Variants in FGF14 observed in about 807,000 individuals in gnomAD.
FGF14 encodes the protein fibroblast growth factor homologous factor 4.
In FGF14, 5 loss-of-function variants were observed where a neutral mutation model predicts 25.5. The ratio of observed to expected loss-of-function variants is 0.20; its 90% CI spans 0.10 to 0.41. FGF14 has a LOEUF of 0.41. Among genes scored for constraint, FGF14 ranks in the 10% least tolerant of loss-of-function variants. The probability of loss-of-function intolerance (pLI) is 1.00; values close to 1 mark genes in which losing one functional copy is unlikely to be tolerated. For missense variants in FGF14, 222 were observed against 320.1 expected (o/e 0.69, Z 2.34); for synonymous variants, 138 against 118.3 (o/e 1.17, Z -1.08).
rs575670133 is a variant in FGF14, at chr13:102,350,539, A to G, written c.208+50932T>C. Among the ~76,000 whole-genome samples the G allele has an allele frequency of 3.3e-5, 5 of 152,164 alleles. No individual in the cohort carries two copies. In the East Asian group the frequency reaches 9.7e-4, roughly 29 times the overall value. On this transcript the variant is annotated intron_variant, in intron 1 of 4. Coordinates refer to the FGF14 transcript ENST00000376131. ...GTCTTGTTTTCCCATCTCTCTTCCT[A>G]TCTTGTGTAGTTAACTTGCACACCC... is the stretch of plus-strand genomic sequence containing the variant.
intron 1 of FGF14, among the ~76,000 whole-genome samples, chr13:101,958,777 A>G (rs2036662415): frequency 1.3e-5 from 2 of 152,232 alleles, no homozygotes; most frequent in African/African-American, 2.4e-5. Flanking sequence ...AAAGTGAGAC[A>G]AAGCAAGGGT....
intron 1 of FGF14, among the ~76,000 whole-genome samples, chr13:102,253,525 C>A (rs2052296361): frequency 6.6e-6 from 1 of 151,914 alleles, no homozygotes; most frequent in African/African-American, 2.4e-5. Context: ...TTGTTTTTTT[C>A]CTGTAAATTT....
intron 1 of FGF14, among the ~76,000 whole-genome samples, chr13:102,042,045 A>T (rs775659959): frequency 1.3e-5 from 2 of 152,182 alleles, no homozygotes; most frequent in Non-Finnish European, 2.9e-5. Context: ...AACATACTCA[A>T]AGAAGAGCAA....
intron 1 of FGF14, among the ~76,000 whole-genome samples, chr13:102,393,426 A>G (rs543560213): frequency 5.1e-4 from 77 of 152,320 alleles, no homozygotes; most frequent in Middle Eastern, 3.4e-3. Flanking sequence ...GACCTAAAAG[A>G]AATAATTCAT....
chr13:101,954,722 GCT>G (rs967830886), intron 1 of FGF14, among the ~76,000 whole-genome samples: 23 of 151,908 alleles, frequency 1.5e-4, no homozygotes, highest in African/African-American at 5.6e-4. Context: ...GTGTGTGTGT[GCT>G]TGTGCACGAG....
At chr13:101,884,017 C>T (rs1977256) in intron 1 of FGF14, among the ~76,000 whole-genome samples, 47,168 of 137,976 alleles carry the variant, frequency 0.34, 8,197 homozygotes, top group African/African-American at 0.44. Flanking sequence ...GAGCCCAGAT[C>T]GCACCACTGC....
chr13:101,750,011 G>A (rs965558279), intron 3 of FGF14, among the ~76,000 whole-genome samples: 1 of 151,966 alleles, frequency 6.6e-6, no homozygotes, highest in Non-Finnish European at 1.5e-5. Context: ...TGAAGAGACT[G>A]GAGTTCTCCC....
At chr13:101,911,832 A>G (rs2032969286) in intron 1 of FGF14, among the ~76,000 whole-genome samples, 1 of 152,140 alleles carries the variant, frequency 6.6e-6, no homozygotes. Context: ...TCCAATGGGT[A>G]TGGCCTTAGA....
At chr13:102,154,445 A>C (rs1269303894) in intron 1 of FGF14, among the ~76,000 whole-genome samples, 4 of 152,020 alleles carry the variant, frequency 2.6e-5, no homozygotes, top group Non-Finnish European at 5.9e-5. Context: ...GAAATAAAAT[A>C]CTTTACAGAC....
At position 101,916,546 on chromosome 13, in the gene FGF14, T is replaced by G; in HGVS notation, c.100A>C (p.Ser34Arg). Residue 34 changes from serine (S) to arginine (R), a missense_variant, in exon 1 of 5, where the codon AGC becomes CGC. Physicochemically the swap from Ser to Arg is moderately radical, Grantham distance 110. This residue lies in a region of FGF14 where 80 missense variants were observed against 72.2 expected (regional missense o/e 1.11). Transcript: ENST00000376143. ...PSASRRRSSP[S>R]KNRGLCNGNL... Reference sequence around the variant, plus strand: ...CCGTTGCAGAGCCCGCGGTTCTTGCTGGGGCTGCTCCGCCTCCTGCTGGCA... The same window carrying G: ...CCGTTGCAGAGCCCGCGGTTCTTGCGGGGGCTGCTCCGCCTCCTGCTGGCA... The G allele has an allele frequency of 6.2e-7, 1 of 1,613,516 alleles. No homozygotes were observed. The highest frequency in any genetic ancestry group is 8.5e-7 in the Non-Finnish European group (1 of 1,179,902).
At chr13:102,183,966 C>T (rs1405744441) in intron 1 of FGF14, among the ~76,000 whole-genome samples, 2 of 152,158 alleles carry the variant, frequency 1.3e-5, no homozygotes, top group Non-Finnish European at 2.9e-5. Flanking sequence ...GTGCTGGGTA[C>T]ATTTTAACCA....
chr13:101,792,881 T>C (rs1594267858), intron 3 of FGF14, among the ~76,000 whole-genome samples: 1 of 152,016 alleles, frequency 6.6e-6, no homozygotes, highest in Non-Finnish European at 1.5e-5. Flanking sequence ...GCTTTTTTTG[T>C]ATACTGACAA....
rs1303508853 is a variant in FGF14 at position 101,721,024 on chromosome 13, T to G, written c.*1807A>C. On this transcript the variant is annotated 3_prime_UTR_variant, in exon 5 of 5. Coordinates refer to ENST00000376143, the MANE Select transcript of FGF14 (RefSeq NM_004115.4). ...TTTATGAAAGCAGTGACAAAATAAT[T>G]TCCCAATAAATACAGTGCAGATGGG... The G allele has an allele frequency of 7.9e-5, 12 of 152,206 alleles. No homozygotes were observed. The East Asian group carries it at 2.3e-3, about 29-fold the overall frequency. The allele number at this position is 152,206 out of a possible 1,614,324, so 9.4% of individuals were successfully genotyped here.
At chr13:101,850,278 C>A (rs9518582) in intron 3 of FGF14, among the ~76,000 whole-genome samples, 54,128 of 60,326 alleles carry the variant, frequency 0.9, 24,010 homozygotes, top group Middle Eastern at 0.96. Flanking sequence ...TACTAAAAAT[C>A]CAAAAAAAAA....
At chr13:101,726,031 AAAG>A (rs938978016) in intron 4 of FGF14, among the ~76,000 whole-genome samples, 1 of 152,012 alleles carries the variant, frequency 6.6e-6, no homozygotes, top group African/African-American at 2.4e-5. Flanking sequence ...TATTTTAGTA[AAAG>A]AAGTAATGCT....
At chr13:102,277,021 T>A (rs990661535) in intron 1 of FGF14, among the ~76,000 whole-genome samples, 2 of 152,180 alleles carry the variant, frequency 1.3e-5, no homozygotes. Flanking sequence ...AGGATTAATA[T>A]GTTGCCTAAC....
intron 1 of FGF14, among the ~76,000 whole-genome samples, chr13:101,963,400 C>T (rs534344548): frequency 2.7e-4 from 41 of 152,230 alleles, no homozygotes; most frequent in African/African-American, 9.1e-4. Context: ...TCTCCACCTT[C>T]TACATGCCTC....
intron 3 of FGF14, among the ~76,000 whole-genome samples, chr13:101,837,444 A>G (rs150968428): frequency 2.0e-5 from 3 of 152,214 alleles, no homozygotes; most frequent in East Asian, 3.9e-4. Flanking sequence ...ATAAAATGAG[A>G]GAATGTGTGG....
chr13:102,247,135 G>A (rs2051915754), intron 1 of FGF14, among the ~76,000 whole-genome samples: 1 of 151,998 alleles, frequency 6.6e-6, no homozygotes, highest in South Asian at 2.1e-4. Context: ...AATAACCCTG[G>A]AAGACAACCT....
Sources: gnomAD v4.1 joint callset for allele counts (sites outside exome capture counted in the v4.1 genomes callset) on GRCh38, gnomAD v4.1.1 for gene constraint, gnomAD v4.1.1 regional missense constraint, MANE v1.5 for transcripts, NCBI Gene and HGNC (gene_info 2026-07-23, HGNC 2026-07-21) for gene names.